KIAA0232: variants seen among roughly 807,000 people sequenced by gnomAD.
KIAA0232 encodes the protein KIAA0232.
A neutral mutation model predicts 122.0 loss-of-function variants in KIAA0232; 27 were observed. That is an observed-to-expected ratio of 0.22 (90% CI 0.16 to 0.31). The LOEUF (loss-of-function observed/expected upper bound fraction) is 0.31. Among genes scored for constraint, KIAA0232 ranks in the 10% least tolerant of loss-of-function variants. KIAA0232 has a pLI of 1.00. For missense variants in KIAA0232, 1,551 were observed against 1,634.2 expected (o/e 0.95, Z 0.88); for synonymous variants, 613 against 587.6 (o/e 1.04, Z -0.63).
intron 7 of KIAA0232, chr4:6,866,211 A>G (rs1019095309): frequency 1.4e-5 from 14 of 983,806 alleles, no homozygotes; most frequent in Non-Finnish European, 1.4e-5. Flanking sequence ...AAAGAAAAAG[A>G]GGAAAGAAGC....
At chr4:6,877,264 C>T (rs1275969589) in intron 9 of KIAA0232, among the ~76,000 whole-genome samples, 2 of 152,176 alleles carry the variant, frequency 1.3e-5, no homozygotes, top group East Asian at 3.9e-4. Flanking sequence ...GTAGCCAGAG[C>T]ATGTACTTGC....
Position 6,871,627 on chromosome 4 carries a change from G to C in KIAA0232, c.3855G>C (p.Gln1285His). Residue 1285 changes from glutamine (Q) to histidine (H), a missense_variant, in exon 8 of 10, where the codon CAG becomes CAC. By Grantham distance (24) the Gln-to-His change is conservative. Around this residue, in one of 5 missense-constraint regions of KIAA0232, gnomAD observed 1,108 missense variants for 1,154.8 expected, o/e 0.96. Transcript: ENST00000307659. ...IQGMNRSQEK[Q>H]TWWEKALYSP... ...GAATGAATAGAAGTCAAGAAAAACA[G>C]ACCTGGTGGGAAAAAGCCTTGTACT... is the stretch of plus-strand genomic sequence containing the variant. 1 of 1,613,144 alleles carries C rather than the reference G, an allele frequency of 6.2e-7. No individual in the cohort carries two copies. Among genetic ancestry groups the C allele is most frequent in the Non-Finnish European group, 8.5e-7 (1 of 1,179,086 alleles).
At chr4:6,850,465 C>G (rs991960465) in intron 4 of KIAA0232, among the ~76,000 whole-genome samples, 2 of 151,968 alleles carry the variant, frequency 1.3e-5, no homozygotes, top group African/African-American at 4.8e-5. Flanking sequence ...ATAAATTATA[C>G]CATACTCTAT....
chr4:6,875,342 A>G lies in KIAA0232; in HGVS notation c.3911-1318A>G, dbSNP rs891839759. Among the ~76,000 whole-genome samples, 8 of 152,238 alleles carry G rather than the reference A, an allele frequency of 5.3e-5. No individual in the cohort carries two copies. The South Asian group carries it at 1.2e-3, about 24-fold the overall frequency. On this transcript the variant is annotated intron_variant, in intron 8 of 9. Coordinates refer to ENST00000307659, the MANE Select transcript of KIAA0232 (RefSeq NM_014743.3). Reference sequence around the variant, plus strand: ...TACTAGGGCTCAAAGAGGTTAAATAATTTGTGCAAAGTTACATCACAAGTA... The same window carrying G: ...TACTAGGGCTCAAAGAGGTTAAATAGTTTGTGCAAAGTTACATCACAAGTA...
At chr4:6,835,039 T>C (rs1719188133) in intron 3 of KIAA0232, among the ~76,000 whole-genome samples, 1 of 152,144 alleles carries the variant, frequency 6.6e-6, no homozygotes, top group Non-Finnish European at 1.5e-5. Flanking sequence ...CCAAAGTCAC[T>C]CATTGGTACT....
In KIAA0232 at chr4:6,861,021, A is replaced by T; in HGVS notation, c.639A>T (p.Pro213=). 6.2e-7 allele frequency: 1 copy of T among 1,614,198 alleles called. No individual in the cohort carries two copies. Among genetic ancestry groups the T allele is most frequent in the East Asian group, 2.2e-5 (1 of 44,892 alleles). Reference sequence around the variant, plus strand: ...GCTCTTCTTCATCATCCACAGCCCCACCAGCTAGCACAGATACTTCCTCTC... The same window carrying T: ...GCTCTTCTTCATCATCCACAGCCCCTCCAGCTAGCACAGATACTTCCTCTC... The part of the protein sequence containing the change: ...YSSSSSSSTA[P]PASTDTSSPK... The change falls in exon 7 of 10, where the codon CCA becomes CCT. Residue 213 remains proline (P), a synonymous_variant. Transcript: ENST00000307659.
chr4:6,804,356 G>A (rs938080811), intron 1 of KIAA0232, among the ~76,000 whole-genome samples, 167 bp from the exon 2 acceptor site: 3 of 152,108 alleles, frequency 2.0e-5, no homozygotes, highest in Admixed American at 6.5e-5. Context: ...GACCAGTTGC[G>A]TTCATTACCT....
intron 1 of KIAA0232, among the ~76,000 whole-genome samples, chr4:6,794,063 T>C (rs565296908): frequency 8.5e-5 from 13 of 152,310 alleles, no homozygotes; most frequent in East Asian, 1.9e-4. Flanking sequence ...AGGAGGTTTA[T>C]TGGGGGAATT....
At chr4:6,864,379 A>T (rs1043883754) in intron 7 of KIAA0232, among the ~76,000 whole-genome samples, 196 bp downstream of exon 7, 1 of 152,216 alleles carries the variant, frequency 6.6e-6, no homozygotes, top group African/African-American at 2.4e-5. Context: ...TAGACAGTAG[A>T]GTTTTTCTGG....
chr4:6,835,644 G>A (rs1198898903), intron 3 of KIAA0232, among the ~76,000 whole-genome samples: 1 of 152,098 alleles, frequency 6.6e-6, no homozygotes, highest in Admixed American at 6.5e-5. Flanking sequence ...CAGGCCCCCG[G>A]TGTGTGATGT....
rs759677875 is a variant in KIAA0232, at chr4:6,858,492, G to A, written c.504G>A (p.Lys168=). The change falls in exon 6 of 10, where the codon AAG becomes AAA. Residue 168 remains lysine (K), a synonymous_variant. Coordinates refer to ENST00000307659, the MANE Select transcript of KIAA0232 (RefSeq NM_014743.3). The stretch of plus-strand genomic sequence containing the variant: ...AGGCAGAATTATCCCCTCCAGCAAA[G>A]GATCAAGTGGAAATGTATGTAAGAT... ...SPEAELSPPA[K]DQVEMYYEAF... is the part of the protein sequence containing the mutation. The A allele has an allele frequency of 1.2e-5, 20 of 1,604,282 alleles. No homozygotes were observed. The East Asian group carries it at 3.1e-4, about 25-fold the overall frequency.
At chr4:6,865,534 CAAGTGATCCACCTGCCTTGGCCTCCCA>C (rs1418886869) in intron 7 of KIAA0232, among the ~76,000 whole-genome samples, 1 of 152,232 alleles carries the variant, frequency 6.6e-6, no homozygotes, top group Non-Finnish European at 1.5e-5. Context: ...CTCCTAACTT[CAAGTGATCCACCTGCCTTGGCCTCCCA>C]AAGTGTTGGG....
At chr4:6,841,048 G>A (rs1181813765) in intron 3 of KIAA0232, among the ~76,000 whole-genome samples, 1 of 152,152 alleles carries the variant, frequency 6.6e-6, no homozygotes, top group Non-Finnish European at 1.5e-5. Flanking sequence ...ACAAGTGTGT[G>A]TGATATATAC....
At chr4:6,870,803 GA>G (rs11461019) in intron 7 of KIAA0232, among the ~76,000 whole-genome samples, 6,517 of 143,750 alleles carry the variant, frequency 0.045, 453 homozygotes, top group African/African-American at 0.15. Flanking sequence ...CTCTGTCTTG[GA>G]AAAAAAAAAA....
chr4:6,828,925 A>G (rs991273030), intron 3 of KIAA0232, among the ~76,000 whole-genome samples: 1 of 152,092 alleles, frequency 6.6e-6, no homozygotes, highest in South Asian at 2.1e-4. Context: ...TGTCAGATAT[A>G]CAGTCAATAT....
chr4:6,843,312 A>G (rs1265803928), intron 4 of KIAA0232, among the ~76,000 whole-genome samples: 1 of 152,208 alleles, frequency 6.6e-6, no homozygotes, highest in Non-Finnish European at 1.5e-5. Context: ...GACCTCCAGA[A>G]ACTTCCTTCC....
intron 3 of KIAA0232, 92 bp from the exon 4 acceptor site, chr4:6,841,975 G>C (rs111596518): frequency 0.026 from 37,199 of 1,406,302 alleles, 551 homozygotes; most frequent in Non-Finnish European, 0.03. Context: ...GAAATGCAAG[G>C]GGCCTTTTTG....
chr4:6,845,835 T>G (rs1181446558), intron 4 of KIAA0232, among the ~76,000 whole-genome samples: 2 of 152,174 alleles, frequency 1.3e-5, no homozygotes, highest in African/African-American at 4.8e-5. Flanking sequence ...AAAAACCTTC[T>G]ATGAGTAATG....
intron 4 of KIAA0232, among the ~76,000 whole-genome samples, chr4:6,843,963 G>C (rs1392657720): frequency 1.0e-5 from 1 of 97,050 alleles, no homozygotes; most frequent in Non-Finnish European, 2.0e-5. Context: ...TTTTTTTGGC[G>C]GAGTCTTGCT....
Sources: gnomAD v4.1 joint callset for allele counts (sites outside exome capture counted in the v4.1 genomes callset) on GRCh38, gnomAD v4.1.1 for gene constraint, gnomAD v4.1.1 regional missense constraint, MANE v1.5 for transcripts, NCBI Gene and HGNC (gene_info 2026-07-23, HGNC 2026-07-21) for gene names.